Variants in XKR6 observed in about 807,000 individuals in gnomAD.
XKR6 encodes the protein XK-related protein 6.
XKR6 carries 22 observed loss-of-function variants against 56.7 expected under a neutral mutation model. That is an observed-to-expected ratio of 0.39 (90% CI 0.28 to 0.55). The LOEUF (loss-of-function observed/expected upper bound fraction) is 0.55. Ranked by LOEUF, XKR6 falls within the 20% of genes least tolerant of loss-of-function variation. XKR6 has a pLI of 0.66. For missense variants in XKR6, 852 were observed against 889.0 expected (o/e 0.96, Z 0.53); for synonymous variants, 524 against 387.8 (o/e 1.35, Z -4.13).
At chr8:11,017,960 C>T (rs1265567795) in intron 1 of XKR6, among the ~76,000 whole-genome samples, 4 of 152,172 alleles carry the variant, frequency 2.6e-5, no homozygotes, top group Admixed American at 1.3e-4. Flanking sequence ...ATCTATTTCT[C>T]CTGTTCCCAT....
chr8:10,988,694 C>G (rs1312517016), intron 1 of XKR6, among the ~76,000 whole-genome samples: 1 of 152,196 alleles, frequency 6.6e-6, no homozygotes, highest in Non-Finnish European at 1.5e-5. Flanking sequence ...ATGAAGGTAT[C>G]ACAGTCACAG....
At chr8:10,994,824 C>G (rs1798073741) in intron 1 of XKR6, among the ~76,000 whole-genome samples, 1 of 152,160 alleles carries the variant, frequency 6.6e-6, no homozygotes, top group Non-Finnish European at 1.5e-5. Flanking sequence ...AAATCAAATT[C>G]CAAAGCTCAT....
chr8:11,169,746 C>G (rs1802271476), intron 1 of XKR6, among the ~76,000 whole-genome samples: 1 of 152,136 alleles, frequency 6.6e-6, no homozygotes, highest in Non-Finnish European at 1.5e-5. Context: ...TACCTCATGC[C>G]AGTGAACTGT....
chr8:10,958,953 C>G (rs2129129699), intron 1 of XKR6, among the ~76,000 whole-genome samples: 1 of 152,318 alleles, frequency 6.6e-6, no homozygotes, highest in Middle Eastern at 3.4e-3. Flanking sequence ...AAAGCTACAG[C>G]TGCATTTCAA....
chr8:10,924,161 T>C (rs529347557), intron 2 of XKR6, among the ~76,000 whole-genome samples: 13 of 152,238 alleles, frequency 8.5e-5, no homozygotes, highest in Non-Finnish European at 1.8e-4. Flanking sequence ...GCTTTACAAA[T>C]GGGGCTTACA....
intron 1 of XKR6, among the ~76,000 whole-genome samples, chr8:10,961,250 C>T (rs1002236961): frequency 3.3e-5 from 5 of 152,176 alleles, no homozygotes; most frequent in African/African-American, 1.2e-4. Context: ...TAAGAAGATC[C>T]CTCCGGCTCT....
At chr8:10,953,557 C>A (rs1178820433) in intron 1 of XKR6, among the ~76,000 whole-genome samples, 1 of 152,186 alleles carries the variant, frequency 6.6e-6, no homozygotes, top group East Asian at 1.9e-4. Context: ...TGACCTAACA[C>A]AGACGGGGTC....
intron 1 of XKR6, among the ~76,000 whole-genome samples, chr8:10,939,279 C>A (rs966209306): frequency 6.6e-6 from 1 of 152,220 alleles, no homozygotes; most frequent in Non-Finnish European, 1.5e-5. Flanking sequence ...CCAGGCCCGC[C>A]CACCACAGTT....
chr8:10,909,295 C>T (rs1486967422), intron 2 of XKR6, among the ~76,000 whole-genome samples: 1 of 152,150 alleles, frequency 6.6e-6, no homozygotes, highest in Non-Finnish European at 1.5e-5. Flanking sequence ...TCTCAGCTTC[C>T]AAAACCATGA....
intron 1 of XKR6, chr8:11,104,846 T>A (rs1798617971): frequency 6.6e-6 from 1 of 152,222 alleles, no homozygotes; most frequent in East Asian, 1.9e-4. Flanking sequence ...CCTAAATGCC[T>A]GTATTGCAGT....
chr8:11,179,132 C>T (rs1050466149), intron 1 of XKR6, among the ~76,000 whole-genome samples: 2 of 148,672 alleles, frequency 1.3e-5, no homozygotes, highest in Non-Finnish European at 3.0e-5. Flanking sequence ...GCTGGTATTA[C>T]AAGCATGAGT....
Position 10,898,966 on chromosome 8 carries a change from C to T in XKR6, c.962-50G>A. 6.5e-7 allele frequency: 1 copy of T among 1,536,246 alleles called. No individual in the cohort carries two copies. Among genetic ancestry groups the T allele is most frequent in the Non-Finnish European group, 8.7e-7 (1 of 1,147,860 alleles). On this transcript the variant is annotated intron_variant, in intron 2 of 2. Coordinates refer to ENST00000416569, the MANE Select transcript of XKR6 (RefSeq NM_173683.4). This position sits in a 1 kb window ranked among gnomAD's most constrained non-coding sequence, Gnocchi z 6.6. ...CAGTCAAAACCTTGGACATCAACCG[C>T]AGGGCACAGTGAAGCTGCCGGCTGA...
intron 1 of XKR6, among the ~76,000 whole-genome samples, chr8:10,961,844 G>T (rs1802070155): frequency 6.6e-6 from 1 of 152,242 alleles, no homozygotes; most frequent in African/African-American, 2.4e-5. Flanking sequence ...TTGCCAGGAG[G>T]AAGGGAGCCC....
chr8:10,941,183 C>G (rs113847268), intron 1 of XKR6, among the ~76,000 whole-genome samples: 1 of 152,134 alleles, frequency 6.6e-6, no homozygotes, highest in Admixed American at 6.5e-5. Flanking sequence ...GTCCTTCCTC[C>G]GGGTTCACAG....
intron 1 of XKR6, among the ~76,000 whole-genome samples, chr8:11,012,736 G>A (rs191458458): frequency 6.7e-6 from 1 of 149,984 alleles, no homozygotes; most frequent in Admixed American, 6.8e-5. Context: ...GATTCATCCT[G>A]GCCCCGATGT....
chr8:11,030,329 C>T (rs118024998), intron 1 of XKR6, among the ~76,000 whole-genome samples: 360 of 152,304 alleles, frequency 2.4e-3, no homozygotes, highest in Non-Finnish European at 4.4e-3. Context: ...CTAAACTGCA[C>T]AGATTGAGAA....
At chr8:10,946,293 C>T (rs1199227156) in intron 1 of XKR6, among the ~76,000 whole-genome samples, 2 of 152,018 alleles carry the variant, frequency 1.3e-5, no homozygotes, top group South Asian at 2.1e-4. Flanking sequence ...AGAAAGGACC[C>T]CCGACCCAAA....
rs773801919 is a variant in XKR6 at position 10,898,254 on chromosome 8, T to C, written c.1624A>G (p.Thr542Ala). 1.2e-6 allele frequency: 2 copies of C among 1,613,898 alleles called. No individual in the cohort carries two copies. Among genetic ancestry groups the C allele is most frequent in the African/African-American group, 2.7e-5 (2 of 74,862 alleles). The change falls in exon 3 of 3, where the codon ACG becomes GCG. Residue 542 changes from threonine to alanine, a missense_variant. By Grantham distance (58) the Thr-to-Ala change is moderately conservative (BLOSUM62 0). Around this residue, in one of 4 missense-constraint regions of XKR6, gnomAD observed 197 missense variants for 190.9 expected, o/e 1.03. Coordinates refer to ENST00000416569, the MANE Select transcript of XKR6 (RefSeq NM_173683.4). The surrounding 1 kb of genome is among the most constrained non-coding windows in gnomAD (Gnocchi z 6.6). ...TGTTCCGTTACGGCTCTGGTGGGCGTAACCTGGGTCCCCCGGTACCCAGGG... is the reference window on the plus strand; with the variant it reads ...TGTTCCGTTACGGCTCTGGTGGGCGCAACCTGGGTCCCCCGGTACCCAGGG... ...EIPGYRGTQV[T>A]PTRAVTEQQE...
At chr8:10,968,861 C>T (rs939260503) in intron 1 of XKR6, among the ~76,000 whole-genome samples, 5 of 152,228 alleles carry the variant, frequency 3.3e-5, no homozygotes, top group East Asian at 1.9e-4. Context: ...GCCACCTGCC[C>T]GCTCTGAACA....
Sources: gnomAD v4.1 joint callset for allele counts (sites outside exome capture counted in the v4.1 genomes callset) on GRCh38, gnomAD v4.1.1 for gene constraint, gnomAD v4.1.1 regional missense constraint, Gnocchi (gnomAD v3.1) non-coding constraint, MANE v1.5 for transcripts, NCBI Gene and HGNC (gene_info 2026-07-23, HGNC 2026-07-21) for gene names.